The following ITGB5 variants were observed in gnomAD, a reference collection of about 807,000 sequenced individuals.
ITGB5 encodes integrin subunit beta 5.
In ITGB5, 38 loss-of-function variants were observed where a neutral mutation model predicts 84.8. The observed-to-expected ratio is 0.45, with a 90% CI of 0.35 to 0.59. The LOEUF is 0.59. Among genes scored for constraint, ITGB5 ranks in the 20% least tolerant of loss-of-function variants. ITGB5 has a pLI of 0.01. For synonymous variants in ITGB5, 393 were observed against 414.4 expected (o/e 0.95, Z 0.63); for missense variants, 905 against 1,034.5 (o/e 0.87, Z 1.72).
At chr3:124,808,462 C>T (rs755774874) in intron 9 of ITGB5, among the ~76,000 whole-genome samples, 3 of 152,226 alleles carry the variant, frequency 2.0e-5, no homozygotes, top group African/African-American at 4.8e-5. Flanking sequence ...TGCTCCCTCA[C>T]GCAAGTCCTT....
chr3:124,789,417 C>T (rs952201782), intron 10 of ITGB5, among the ~76,000 whole-genome samples: 3 of 149,264 alleles, frequency 2.0e-5, no homozygotes, highest in East Asian at 4.0e-4. Context: ...TTATCAGAAC[C>T]GCCTCTGACT....
intron 2 of ITGB5, among the ~76,000 whole-genome samples, chr3:124,861,501 C>T (rs1475434344): frequency 1.2e-3 from 151 of 123,628 alleles, no homozygotes; most frequent in African/African-American, 4.1e-3. Flanking sequence ...TATATACACA[C>T]ACACACACAC....
chr3:124,795,490 G>C (rs1363120568), intron 10 of ITGB5, among the ~76,000 whole-genome samples: 1 of 139,206 alleles, frequency 7.2e-6, no homozygotes, highest in Non-Finnish European at 1.6e-5. Context: ...CTCCATCTCA[G>C]AAAAAAAAAA....
At chr3:124,827,040 G>A (rs1023554213) in intron 5 of ITGB5, among the ~76,000 whole-genome samples, 1 of 152,142 alleles carries the variant, frequency 6.6e-6, no homozygotes, top group Admixed American at 6.5e-5. Flanking sequence ...CTGTTTTGAA[G>A]GCTTGAGTTC....
chr3:124,845,342 G>A (rs1046865168), intron 4 of ITGB5, among the ~76,000 whole-genome samples: 4 of 152,232 alleles, frequency 2.6e-5, no homozygotes, highest in African/African-American at 9.6e-5. Flanking sequence ...GCTGAGGCAG[G>A]AGAATCACTT....
chr3:124,898,789 A>T (rs1214191905), intron 1 of ITGB5, among the ~76,000 whole-genome samples: 2 of 149,204 alleles, frequency 1.3e-5, no homozygotes, highest in Non-Finnish European at 3.0e-5. Flanking sequence ...AAAAAAAAAA[A>T]AAAAGGCCGG....
At chr3:124,775,137 G>A (rs937459732) in intron 10 of ITGB5, among the ~76,000 whole-genome samples, 7 of 152,236 alleles carry the variant, frequency 4.6e-5, no homozygotes, top group East Asian at 1.9e-4. Context: ...GTGGAGAGGC[G>A]GGGGCTGCCC....
intron 1 of ITGB5, among the ~76,000 whole-genome samples, chr3:124,895,806 G>T (rs1935090618): frequency 6.6e-6 from 1 of 152,166 alleles, no homozygotes; most frequent in African/African-American, 2.4e-5. Context: ...TCAATTGCTG[G>T]TGGAGGAAAA....
At position 124,819,771 on chromosome 3, in the gene ITGB5, C is replaced by A. The variant is rs779062441; in HGVS notation, c.1006G>T (p.Ala336Ser). The change falls in exon 7 of 15, where the codon GCA becomes TCA. Residue 336 changes from alanine (A) to serine (S), a missense_variant. By Grantham distance (99) the Ala-to-Ser change is moderately conservative. Around this residue, in one of 3 missense-constraint regions of ITGB5, gnomAD observed 656 missense variants for 734.7 expected, o/e 0.89. Coordinates refer to ENST00000296181, the MANE Select transcript of ITGB5 (RefSeq NM_002213.5). The part of the protein sequence containing the change: ...LAENNINLIF[A>S]VTKNHYMLYK... ...AGCATATAATGGTTTTTTGTCACTG[C>A]AAAGATGAGGTTGATGTTGTTCTCT... is the stretch of plus-strand genomic sequence containing the variant. The A allele has an allele frequency of 8.1e-6, 13 of 1,613,822 alleles. No individual in the cohort carries two copies. The highest frequency in any genetic ancestry group is 1.3e-5 in the African/African-American group (1 of 74,906).
In ITGB5 at chr3:124,773,839, T is replaced by C. The variant is rs369593563; in HGVS notation, c.1767A>G (p.Thr589=). 1.9e-6 allele frequency: 3 copies of C among 1,614,070 alleles called. No homozygotes were observed. The highest frequency in any genetic ancestry group is 2.7e-5 in the African/African-American group (2 of 74,956). Residue 589 remains threonine, a synonymous_variant, in exon 11 of 15, where the codon ACA becomes ACG. Coordinates refer to ENST00000296181, the MANE Select transcript of ITGB5 (RefSeq NM_002213.5). ...CTCTGCCCCGGCATGTGCTGATGTCTGTCGAGCAGTTACAGTTGTCCCCGA... is the reference window on the plus strand; with the variant it reads ...CTCTGCCCCGGCATGTGCTGATGTCCGTCGAGCAGTTACAGTTGTCCCCGA... The part of the protein sequence containing the change: ...GYIGDNCNCS[T]DISTCRGRDG...
At chr3:124,790,411 A>T (rs2064132585) in intron 10 of ITGB5, among the ~76,000 whole-genome samples, 1 of 140,672 alleles carries the variant, frequency 7.1e-6, no homozygotes, top group Non-Finnish European at 1.5e-5. Context: ...ACCGCCTTTG[A>T]CTAGACAGGG....
intron 5 of ITGB5, among the ~76,000 whole-genome samples, chr3:124,823,909 A>G (rs897061056): frequency 6.6e-6 from 1 of 152,164 alleles, no homozygotes; most frequent in African/African-American, 2.4e-5. Flanking sequence ...TTAATTTGAC[A>G]AATTGTATTA....
At chr3:124,805,362 C>T (rs537347162) in intron 9 of ITGB5, among the ~76,000 whole-genome samples, 11 of 151,888 alleles carry the variant, frequency 7.2e-5, no homozygotes, top group Admixed American at 1.3e-4. Flanking sequence ...AGGCTGGTCT[C>T]GAACTCCTGA....
At chr3:124,781,586 A>G (rs950093086) in intron 10 of ITGB5, among the ~76,000 whole-genome samples, 1 of 152,214 alleles carries the variant, frequency 6.6e-6, no homozygotes, top group Non-Finnish European at 1.5e-5. Flanking sequence ...CTCAGTAGCA[A>G]CTAAATAAAT....
chr3:124,861,692 G>A (rs142604803), intron 2 of ITGB5, among the ~76,000 whole-genome samples: 4,475 of 151,812 alleles, frequency 0.029, 100 homozygotes, highest in Admixed American at 0.045. Flanking sequence ...CTCCCGAGTA[G>A]CTGGGATTAC....
chr3:124,816,155 A>G (rs548363638), intron 8 of ITGB5, among the ~76,000 whole-genome samples: 1 of 152,258 alleles, frequency 6.6e-6, no homozygotes, highest in East Asian at 1.9e-4. Flanking sequence ...AAAAATCCTC[A>G]CTGCTGCCCA....
Position 124,900,620 on chromosome 3 carries a change from T to C in ITGB5, c.-255+646A>G, listed in dbSNP as rs1935196097. 2.6e-5 allele frequency among the ~76,000 whole-genome samples: 4 copies of C among 152,212 alleles called. No homozygotes were observed. The South Asian group carries it at 8.3e-4, about 32-fold the overall frequency. ...AGACTGAGAAGAACACCCCCATATG[T>C]TTTCCAGGGCTCTCCCCAACCTAAT... On this transcript the variant is annotated intron_variant, in intron 1 of 4. Coordinates refer to the ITGB5 transcript ENST00000608657.
At chr3:124,792,671 A>C (rs1043841750) in intron 10 of ITGB5, 4 of 152,170 alleles carry the variant, frequency 2.6e-5, no homozygotes, top group African/African-American at 9.7e-5. Flanking sequence ...TAGTGACTTT[A>C]GGCATCGTTG....
intron 9 of ITGB5, among the ~76,000 whole-genome samples, chr3:124,797,837 G>C (rs555350717): frequency 1.3e-5 from 2 of 152,232 alleles, no homozygotes; most frequent in South Asian, 4.1e-4. Flanking sequence ...AGTGTGCCCT[G>C]ATGAAATGCC....
Sources: gnomAD v4.1 joint callset for allele counts (sites outside exome capture counted in the v4.1 genomes callset) on GRCh38, gnomAD v4.1.1 for gene constraint, gnomAD v4.1.1 regional missense constraint, MANE v1.5 for transcripts, NCBI Gene and HGNC (gene_info 2026-07-23, HGNC 2026-07-21) for gene names.